SPECC1: variants seen among roughly 807,000 people sequenced by gnomAD.
SPECC1 encodes cytospin-B.
A neutral mutation model predicts 104.1 loss-of-function variants in SPECC1; 62 were observed. The ratio of observed to expected loss-of-function variants is 0.60; its 90% confidence interval spans 0.49 to 0.74. The LOEUF is 0.74. Among genes scored for constraint, SPECC1 ranks in the 30% least tolerant of loss-of-function variants. The pLI is 0.00. For missense variants in SPECC1, 1,306 were observed against 1,310.5 expected (o/e 1.00, Z 0.05); for synonymous variants, 513 against 501.6 (o/e 1.02, Z -0.30).
chr17:20,233,526 G>C (rs1375141160), intron 7 of SPECC1, among the ~76,000 whole-genome samples: 1 of 152,182 alleles, frequency 6.6e-6, no homozygotes, highest in Non-Finnish European at 1.5e-5. Context: ...TCAATATCGA[G>C]ATCATTATTT....
intron 3 of SPECC1, among the ~76,000 whole-genome samples, chr17:20,149,746 A>G (rs937264352): frequency 2.0e-5 from 3 of 152,198 alleles, no homozygotes; most frequent in African/African-American, 7.2e-5. Flanking sequence ...ACTTGGGGAC[A>G]CAGGTTTAAA....
At chr17:20,298,732 G>A (rs2041438688) in intron 13 of SPECC1, among the ~76,000 whole-genome samples, 1 of 151,998 alleles carries the variant, frequency 6.6e-6, no homozygotes, top group Admixed American at 6.6e-5. Flanking sequence ...CAAAGATGAC[G>A]CCCTGGTGTC....
chr17:20,054,161 A>T (rs531911711), intron 1 of SPECC1, among the ~76,000 whole-genome samples: 1 of 152,246 alleles, frequency 6.6e-6, no homozygotes, highest in East Asian at 1.9e-4. Flanking sequence ...TCTATTCCCC[A>T]TACTGCCATA....
At chr17:20,224,631 C>T (rs959004191) in intron 4 of SPECC1, among the ~76,000 whole-genome samples, 1 of 152,034 alleles carries the variant, frequency 6.6e-6, no homozygotes, top group South Asian at 2.1e-4. Context: ...CACCGCCACC[C>T]CAAGCCTGTG....
At chr17:20,058,912 T>A (rs1418482454) in intron 1 of SPECC1, among the ~76,000 whole-genome samples, 2 of 149,700 alleles carry the variant, frequency 1.3e-5, no homozygotes, top group Admixed American at 1.3e-4. Flanking sequence ...TGATCTCGGC[T>A]TACCTCAAGC....
chr17:20,222,366 C>T (rs1255710245), intron 4 of SPECC1, among the ~76,000 whole-genome samples: 1 of 152,026 alleles, frequency 6.6e-6, no homozygotes, highest in Non-Finnish European at 1.5e-5. Context: ...TATTTTGTGG[C>T]CTAACATGTG....
intron 3 of SPECC1, among the ~76,000 whole-genome samples, chr17:20,138,663 C>T (rs2030343380): frequency 6.6e-6 from 1 of 152,160 alleles, no homozygotes; most frequent in Non-Finnish European, 1.5e-5. Context: ...TAGTAATACA[C>T]ATTTAAGTTT....
intron 1 of SPECC1, among the ~76,000 whole-genome samples, chr17:20,072,918 GGCAGTGTATTTGGTCCCTGTT>G (rs1260535245): frequency 6.6e-6 from 1 of 151,984 alleles, no homozygotes; most frequent in Non-Finnish European, 1.5e-5. Flanking sequence ...TTTTTTTCTG[GGCAGTGTATTTGGTCCCTGTT>G]GCAGTAGATC....
chr17:20,119,363 G>T (rs1003407440), intron 3 of SPECC1, among the ~76,000 whole-genome samples: 1 of 152,238 alleles, frequency 6.6e-6, no homozygotes, highest in Non-Finnish European at 1.5e-5. Flanking sequence ...CTCCTGAGTA[G>T]CTGGGATTAC....
intron 3 of SPECC1, among the ~76,000 whole-genome samples, chr17:20,157,157 G>A (rs2032657801): frequency 6.6e-6 from 1 of 152,148 alleles, no homozygotes; most frequent in African/African-American, 2.4e-5. Context: ...GCTGTAGGAC[G>A]CTGGGTCGTC....
chr17:20,032,773 T>C (rs1235660415), intron 1 of SPECC1, among the ~76,000 whole-genome samples: 1 of 152,090 alleles, frequency 6.6e-6, no homozygotes, highest in Non-Finnish European at 1.5e-5. Flanking sequence ...GATAACTGTT[T>C]GCTCTCACTT....
rs79370833 is a variant in SPECC1, at chr17:20,234,159, C to T, written c.2351+1754C>T. On this transcript the variant is annotated intron_variant, in intron 7 of 14. Coordinates refer to ENST00000395527, the MANE Select transcript of SPECC1 (RefSeq NM_001243439.2). ...CTGCATCCTGCATCTTCAATCTTAA[C>T]GTCACGTTTTTTTTTAAGCACAGAA... Among the ~76,000 whole-genome samples, 702 of 152,260 alleles carry T rather than the reference C, an allele frequency of 4.6e-3. 3 individuals are homozygous for T. The highest frequency in any genetic ancestry group is 0.024 in the South Asian group (115 of 4,818).
intron 12 of SPECC1, among the ~76,000 whole-genome samples, chr17:20,273,033 C>CG (rs953138455): frequency 1.3e-5 from 2 of 152,172 alleles, no homozygotes; most frequent in African/African-American, 4.8e-5. Context: ...ATGAGGCCTG[C>CG]GACTATGTTC....
intron 1 of SPECC1, among the ~76,000 whole-genome samples, chr17:20,051,047 GTTCT>G (rs1392415812): frequency 9.1e-5 from 13 of 143,118 alleles, no homozygotes; most frequent in South Asian, 4.5e-4. Flanking sequence ...TAAGCACTTG[GTTCT>G]TTCTTTCTTT....
intron 14 of SPECC1, among the ~76,000 whole-genome samples, chr17:20,306,551 A>C (rs2041771192): frequency 6.6e-6 from 1 of 152,280 alleles, no homozygotes; most frequent in African/African-American, 2.4e-5. Flanking sequence ...CAAGGCTCAC[A>C]ACATGCTGAT....
At chr17:20,172,891 C>T (rs1425654101) in intron 3 of SPECC1, among the ~76,000 whole-genome samples, 4 of 152,116 alleles carry the variant, frequency 2.6e-5, no homozygotes, top group African/African-American at 9.7e-5. Flanking sequence ...CTTCATTTTT[C>T]CTAGGTGATA....
At chr17:20,048,959 A>G (rs2045642905) in intron 1 of SPECC1, among the ~76,000 whole-genome samples, 2 of 152,186 alleles carry the variant, frequency 1.3e-5, no homozygotes, top group African/African-American at 4.8e-5. Context: ...ATAATATATT[A>G]CAGTATATAA....
chr17:20,046,674 G>A (rs1375777015), intron 1 of SPECC1, among the ~76,000 whole-genome samples: 1 of 152,138 alleles, frequency 6.6e-6, no homozygotes, highest in Non-Finnish European at 1.5e-5. Flanking sequence ...GGGTAGTCAG[G>A]GAGGGCCCCA....
chr17:20,162,499 G>A (rs1308337570), intron 3 of SPECC1, among the ~76,000 whole-genome samples: 1 of 152,166 alleles, frequency 6.6e-6, no homozygotes, highest in African/African-American at 2.4e-5. Context: ...AAAGGGAAGA[G>A]TAATATAACC....
Sources: gnomAD v4.1 joint callset for allele counts (sites outside exome capture counted in the v4.1 genomes callset) on GRCh38, gnomAD v4.1.1 for gene constraint, MANE v1.5 for transcripts, NCBI Gene and HGNC (gene_info 2026-07-23, HGNC 2026-07-21) for gene names.